Variants in PCM1 observed in about 807,000 individuals in gnomAD.
The protein encoded by PCM1 is pericentriolar material 1 protein.
A neutral mutation model predicts 241.9 loss-of-function variants in PCM1; 157 were observed. That is an observed-to-expected ratio of 0.65 (90% confidence interval 0.57 to 0.74). PCM1 has a LOEUF of 0.74. PCM1 is among the 30% of genes least tolerant of loss of function. The pLI, the probability that PCM1 is intolerant of heterozygous loss-of-function variation, is 0.00. For synonymous variants in PCM1, 1,085 were observed against 784.9 expected, an observed-to-expected ratio of 1.38 and a Z score of -6.39; for missense variants, 3,478 against 2,360.1, an observed-to-expected ratio of 1.47 and a Z score of -9.81.
chr8:17,996,136 G>T (rs566455520), intron 29 of PCM1, among the ~76,000 whole-genome samples: 1 of 152,158 alleles, frequency 6.6e-6, no homozygotes, highest in Non-Finnish European at 1.5e-5. Context: ...ATGGCTTTCA[G>T]TGTTTCCCCA....
intron 36 of PCM1, among the ~76,000 whole-genome samples, chr8:18,017,382 T>C (rs1486240709): frequency 6.6e-6 from 1 of 152,224 alleles, no homozygotes; most frequent in Non-Finnish European, 1.5e-5. Flanking sequence ...CAAGATTGGA[T>C]GGCAAGTCAC....
At chr8:18,002,761 G>A (rs2090045623) in intron 29 of PCM1, among the ~76,000 whole-genome samples, 1 of 123,430 alleles carries the variant, frequency 8.1e-6, no homozygotes, top group Non-Finnish European at 1.6e-5. Flanking sequence ...TTTAATGATT[G>A]CCATTCTAAC....
chr8:17,947,916 C>T lies in PCM1; in HGVS notation c.961+553C>T, dbSNP rs191621051. ...ACTCAGAAATTTTCTTCCTCCTTTC[C>T]TCATAGCCATGTGTGAATTAGATGA... On this transcript the variant is annotated intron_variant, in intron 7 of 38. Transcript: ENST00000325083. Among the ~76,000 whole-genome samples, 164 of 152,244 alleles carry T rather than the reference C, an allele frequency of 1.1e-3. 1 individual carries two copies. Among genetic ancestry groups the T allele is most frequent in the African/African-American group, 3.1e-3 (130 of 41,544 alleles).
At chr8:17,983,394 G>A (rs2081581267) in intron 24 of PCM1, 11 of 453,388 alleles carry the variant, frequency 2.4e-5, no homozygotes, top group South Asian at 2.3e-4. Context: ...TTAGCTGAGA[G>A]TATATATGTT....
intron 1 of PCM1, among the ~76,000 whole-genome samples, chr8:17,924,149 C>G (rs1011019883): frequency 1.3e-5 from 2 of 152,138 alleles, no homozygotes; most frequent in South Asian, 2.1e-4. Flanking sequence ...CTGGTGTTCT[C>G]TGGTTACCGG....
chr8:17,952,382 C>T (rs958315253), intron 8 of PCM1, among the ~76,000 whole-genome samples: 3 of 151,940 alleles, frequency 2.0e-5, no homozygotes, highest in African/African-American at 4.8e-5. Flanking sequence ...TTTTATGTAA[C>T]GTGGCATTGT....
In PCM1 at chr8:17,952,971, C is replaced by G. The variant is rs566267828; in HGVS notation, c.1073C>G (p.Pro358Arg). Residue 358 changes from proline (P) to arginine (R), a missense_variant and splice_region_variant, in exon 9 of 39, where the codon CCT becomes CGT. By Grantham distance (103) the Pro-to-Arg change is moderately radical. Transcript: ENST00000325083. Reference sequence around the variant, plus strand: ...TTTTTGTTGTTTTTTTTTAATAAGCCTCCAGCTGTTCCAGACAATAGAAGA... The same window carrying G: ...TTTTTGTTGTTTTTTTTTAATAAGCGTCCAGCTGTTCCAGACAATAGAAGA... ...RFHNQLRDSQ[P>R]PAVPDNRRQA... 1.3e-6 allele frequency: 2 copies of G among 1,550,952 alleles called. No homozygotes were observed. Among genetic ancestry groups the G allele is most frequent in the East Asian group, 4.6e-5 (2 of 43,896 alleles).
In PCM1 at chr8:18,009,737, C is replaced by A; in HGVS notation, c.5153C>A (p.Ala1718Asp). 2 of 1,436,224 alleles carry A rather than the reference C, an allele frequency of 1.4e-6. No individual in the cohort carries two copies. Among genetic ancestry groups the A allele is most frequent in the East Asian group, 2.4e-5 (1 of 41,146 alleles). 89.0% of individuals were successfully genotyped at this position (1,436,224 alleles called of 1,614,324 possible). A position where few individuals can be genotyped will look rare whatever the true frequency, so the allele number is the denominator to read the frequency against. Reference sequence around the variant, plus strand: ...GCAACTGGAGTGATACAATCTTGTGCCAAAGAGGTAAATAACGTTCATTTT... The same window carrying A: ...GCAACTGGAGTGATACAATCTTGTGACAAAGAGGTAAATAACGTTCATTTT... ...IEATGVIQSC[A>D]KEAKRILEDH... Residue 1718 changes from alanine (A) to aspartate (D), a missense_variant, in exon 31 of 39, where the codon GCC becomes GAC. Transcript: ENST00000325083.
intron 38 of PCM1, among the ~76,000 whole-genome samples, 172 bp downstream of exon 38, chr8:18,025,830 T>C (rs2094150821): frequency 6.6e-6 from 1 of 152,156 alleles, no homozygotes; most frequent in African/African-American, 2.4e-5. Context: ...TAAAACAGTG[T>C]CAGATAATTT....
At chr8:17,964,866 TC>T (rs1171363279) in intron 18 of PCM1, 98 bp downstream of exon 18, 3 of 834,618 alleles carry the variant, frequency 3.6e-6, no homozygotes, top group Non-Finnish European at 5.9e-6. Flanking sequence ...CAACTGAATG[TC>T]CTACAACTCA....
chr8:17,971,316 T>G (rs901782973), intron 22 of PCM1, among the ~76,000 whole-genome samples: 1 of 152,210 alleles, frequency 6.6e-6, no homozygotes, highest in Admixed American at 6.5e-5. Flanking sequence ...AGGAGCAGTG[T>G]TGTTGTTCAC....
chr8:18,006,321 T>G lies in PCM1; in HGVS notation c.4886T>G (p.Leu1629Trp), dbSNP rs913265322. ...CTAACTTCAGTAAGGCGCATGGTTT[T>G]GACCCTTACCCAGCAAAATGATGAG... is the stretch of plus-strand genomic sequence containing the variant. The part of the protein sequence containing the change: ...QLLTSVRRMV[L>W]TLTQQNDESK... Residue 1629 changes from leucine to tryptophan, a missense_variant, in exon 30 of 39, where the codon TTG becomes TGG. Coordinates refer to ENST00000325083, the MANE Select transcript of PCM1 (RefSeq NM_006197.4). 1.2e-6 allele frequency: 2 copies of G among 1,613,112 alleles called. No homozygotes were observed. The highest frequency in any genetic ancestry group is 2.7e-5 in the African/African-American group (2 of 74,906).
chr8:18,006,309 G>A lies in PCM1; in HGVS notation c.4874G>A (p.Arg1625Lys), dbSNP rs1483342069. Residue 1625 changes from arginine to lysine, a missense_variant, in exon 30 of 39, where the codon AGG becomes AAG. By Grantham distance (26) the Arg-to-Lys change is conservative. Transcript: ENST00000325083. Reference sequence around the variant, plus strand: ...TCCTCGCAGCTTCTAACTTCAGTAAGGCGCATGGTTTTGACCCTTACCCAG... The same window carrying A: ...TCCTCGCAGCTTCTAACTTCAGTAAAGCGCATGGTTTTGACCCTTACCCAG... ...VCSSQLLTSV[R>K]RMVLTLTQQN... 3 of 1,612,572 alleles carry A rather than the reference G, an allele frequency of 1.9e-6. No homozygotes were observed. The Admixed American group carries it at 5.0e-5, about 27-fold the overall frequency.
chr8:17,969,033 C>T (rs1237561605), intron 21 of PCM1, among the ~76,000 whole-genome samples: 3 of 152,016 alleles, frequency 2.0e-5, no homozygotes, highest in Admixed American at 6.6e-5. Context: ...TTTCCCCACA[C>T]GTTGTTAGTA....
chr8:18,020,368 G>C (rs1006371001), intron 36 of PCM1, among the ~76,000 whole-genome samples: 7 of 152,160 alleles, frequency 4.6e-5, no homozygotes, highest in African/African-American at 1.7e-4. Context: ...AGTTACACGT[G>C]CAGTTGAAAG....
chr8:17,996,143 C>A (rs2086646971), intron 29 of PCM1, among the ~76,000 whole-genome samples: 1 of 152,024 alleles, frequency 6.6e-6, no homozygotes. Context: ...TCAGTGTTTC[C>A]CCATTTAGTA....
rs1411369257 is a variant in PCM1, at chr8:18,009,461, T to TTTAAG, written c.4963-83_4963-79dup. The stretch of plus-strand genomic sequence containing the variant: ...TTCCTTAGTAATCATAAACATTAGT[T>TTTAAG]TTAAGTTTTTCAGTACTTAAAAGTA... On this transcript the variant is annotated intron_variant, in intron 30 of 38. Coordinates refer to ENST00000325083, the MANE Select transcript of PCM1 (RefSeq NM_006197.4). The TTTAAG allele has an allele frequency of 6.0e-6, 5 of 829,752 alleles. No individual in the cohort carries two copies. In the African/African-American group the frequency reaches 8.6e-5, roughly 14 times the overall value. 51.4% of individuals were successfully genotyped at this position (829,752 alleles called of 1,614,324 possible).
Position 18,027,649 on chromosome 8 carries a change from C to T in PCM1, c.6062C>T (p.Ala2021Val), listed in dbSNP as rs754022096. ...ETLKEPETVG[A>V]QSI Reference sequence around the variant, plus strand: ...TTCTGTTTTTCAGAAACGGTGGGAGCCCAGAGTATATGAGATGTCTTCAGA... The same window carrying T: ...TTCTGTTTTTCAGAAACGGTGGGAGTCCAGAGTATATGAGATGTCTTCAGA... The change falls in exon 39 of 39, where the codon GCC becomes GTC. Residue 2021 changes from alanine to valine, a missense_variant. Transcript: ENST00000325083. The T allele has an allele frequency of 2.5e-6, 4 of 1,579,794 alleles. No individual in the cohort carries two copies. The highest frequency in any genetic ancestry group is 1.2e-5 in the South Asian group (1 of 85,888).
chr8:18,025,250 T>C, intron 36 of PCM1, 111 bp from the exon 37 acceptor site: 1 of 619,390 alleles, frequency 1.6e-6, no homozygotes, highest in Non-Finnish European at 2.8e-6. Context: ...GAGCTGAATG[T>C]AGAAGAAAAC....
Sources: allele counts gnomAD v4.1 joint callset (sites outside exome capture counted in the v4.1 genomes callset), GRCh38; gene constraint gnomAD v4.1.1; transcripts MANE v1.5; gene names NCBI Gene and HGNC (gene_info 2026-07-23, HGNC 2026-07-21).